The following UNC80 variants were observed in gnomAD, a reference collection of about 807,000 sequenced individuals.
The protein encoded by UNC80 is unc-80 subunit of NALCN channel complex.
In UNC80, 164 loss-of-function variants were observed where a neutral mutation model predicts 384.6. The ratio of observed to expected loss-of-function variants is 0.43; its 90% CI spans 0.38 to 0.49. The LOEUF is 0.49. Ranked by LOEUF, UNC80 falls within the 20% of genes least tolerant of loss-of-function variation. UNC80 has a pLI of 0.00. For synonymous variants in UNC80, 1,486 were observed against 1,527.8 expected (o/e 0.97, Z 0.64); for missense variants, 3,330 against 4,143.0 (o/e 0.80, Z 5.39).
intron 18 of UNC80, among the ~76,000 whole-genome samples, chr2:209,836,645 A>G: frequency 6.6e-6 from 1 of 152,168 alleles, no homozygotes; most frequent in East Asian, 1.9e-4. Flanking sequence ...GAACTTTTTC[A>G]TGATCCCAAT....
intron 8 of UNC80, 131 bp from the exon 9 acceptor site, chr2:209,815,126 A>G: frequency 1.2e-6 from 1 of 817,662 alleles, no homozygotes; most frequent in East Asian, 2.8e-5. Context: ...CCAGAAGTCC[A>G]GACATACAAG....
In UNC80 at chr2:209,800,408, C is replaced by T. The variant is rs541589216; in HGVS notation, c.938+6549C>T. Among the ~76,000 whole-genome samples, 5 of 151,438 alleles carry T rather than the reference C, an allele frequency of 3.3e-5. No individual in the cohort carries two copies. In the South Asian group the frequency reaches 1.0e-3, roughly 32 times the overall value. On this transcript the variant is annotated intron_variant, in intron 7 of 64. Transcript: ENST00000673920. Reference sequence around the variant, plus strand: ...TTCTGTGGGGTCATTGGTGATATCCCCTTTATCATTTTTTACTGTGTCTAT... The same window carrying T: ...TTCTGTGGGGTCATTGGTGATATCCTCTTTATCATTTTTTACTGTGTCTAT...
At chr2:209,858,240 A>G (rs1186400618) in intron 22 of UNC80, among the ~76,000 whole-genome samples, 2 of 152,196 alleles carry the variant, frequency 1.3e-5, no homozygotes, top group African/African-American at 4.8e-5. Flanking sequence ...TATTACTATC[A>G]AGTGGCACGC....
intron 18 of UNC80, among the ~76,000 whole-genome samples, chr2:209,835,622 T>C (rs2153828919): frequency 6.6e-6 from 1 of 152,358 alleles, no homozygotes; most frequent in South Asian, 2.1e-4. Flanking sequence ...CCTAGTTCTA[T>C]GCAAGTTTTA....
chr2:209,899,758 C>T (rs1360225909), intron 28 of UNC80, among the ~76,000 whole-genome samples: 1 of 152,170 alleles, frequency 6.6e-6, no homozygotes, highest in Non-Finnish European at 1.5e-5. Flanking sequence ...TTGTGTTTCC[C>T]CATCACAATG....
At chr2:209,902,806 A>C (rs2087567914) in intron 28 of UNC80, among the ~76,000 whole-genome samples, 1 of 152,142 alleles carries the variant, frequency 6.6e-6, no homozygotes, top group African/African-American at 2.4e-5. Context: ...ATGCACTGGG[A>C]AATAGAAAGA....
intron 8 of UNC80, 31 bp downstream of exon 8, chr2:209,813,872 AC>A (rs1442227323): frequency 6.5e-7 from 1 of 1,542,400 alleles, no homozygotes; most frequent in Non-Finnish European, 8.8e-7. Flanking sequence ...TGTCATTCAA[AC>A]CAGCAACTTT....
intron 33 of UNC80, among the ~76,000 whole-genome samples, chr2:209,919,006 C>A (rs748672785): frequency 4.6e-5 from 7 of 151,968 alleles, no homozygotes; most frequent in Admixed American, 1.3e-4. Context: ...AGTTAAGGAC[C>A]CTGGCCCTGA....
intron 62 of UNC80, 117 bp downstream of exon 62, chr2:209,992,364 A>G (rs747790574): frequency 7.4e-6 from 7 of 944,124 alleles, no homozygotes; most frequent in Non-Finnish European, 1.1e-5. Context: ...AATCCCAGCT[A>G]CTGGGGAGGC....
intron 4 of UNC80, among the ~76,000 whole-genome samples, chr2:209,784,579 G>A (rs1375367212): frequency 6.6e-6 from 1 of 152,130 alleles, no homozygotes; most frequent in Non-Finnish European, 1.5e-5. Context: ...CCTGGAGATA[G>A]CTACATGACA....
intron 22 of UNC80, among the ~76,000 whole-genome samples, chr2:209,852,734 G>T (rs2082620133): frequency 6.6e-6 from 1 of 152,030 alleles, no homozygotes; most frequent in Non-Finnish European, 1.5e-5. Flanking sequence ...CTGGGTTAGG[G>T]GTTCCTCAGG....
intron 35 of UNC80, among the ~76,000 whole-genome samples, chr2:209,926,425 T>C (rs780064647): frequency 2.6e-5 from 4 of 152,228 alleles, no homozygotes; most frequent in Non-Finnish European, 4.4e-5. Context: ...CATTTTCTCA[T>C]TGCTAGGATT....
intron 51 of UNC80, chr2:209,961,208 C>A (rs145741061): frequency 1.0e-3 from 155 of 152,140 alleles, no homozygotes; most frequent in African/African-American, 3.5e-3. Flanking sequence ...AGAGGCCTGG[C>A]GCTCCCTCTA....
At chr2:209,985,058 T>C (rs1018887002) in intron 61 of UNC80, 146 bp downstream of exon 61, 1 of 648,916 alleles carries the variant, frequency 1.5e-6, no homozygotes, top group Admixed American at 3.9e-5. Context: ...TTCATGAACA[T>C]ATGAGCCTGG....
chr2:209,956,662 G>A (rs1253327841), intron 48 of UNC80, among the ~76,000 whole-genome samples: 4 of 151,942 alleles, frequency 2.6e-5, no homozygotes, highest in African/African-American at 7.3e-5. Context: ...CATGTGCAGC[G>A]CACCAGCATA....
At chr2:209,831,727 GT>G in intron 16 of UNC80, 136 bp downstream of exon 16, 1 of 1,005,634 alleles carries the variant, frequency 9.9e-7, no homozygotes, top group Non-Finnish European at 1.4e-6. Flanking sequence ...ATTTTCCCCG[GT>G]GTCACCAGTA....
intron 51 of UNC80, among the ~76,000 whole-genome samples, chr2:209,963,872 G>C (rs1575159158): frequency 6.6e-6 from 1 of 152,212 alleles, no homozygotes; most frequent in Non-Finnish European, 1.5e-5. Context: ...ATTAAGCCTA[G>C]TAGGAAGAAA....
chr2:209,806,462 G>A (rs1558439), intron 7 of UNC80, among the ~76,000 whole-genome samples: 150,481 of 152,346 alleles, frequency 0.99, 74,341 homozygotes, highest in East Asian at 1. Flanking sequence ...CCACAGCAAC[G>A]TACACCCACA....
At chr2:209,893,879 C>T (rs374849525) in intron 26 of UNC80, among the ~76,000 whole-genome samples, 1 of 152,132 alleles carries the variant, frequency 6.6e-6, no homozygotes, top group Non-Finnish European at 1.5e-5. Flanking sequence ...TACTAATAGT[C>T]CTAGTTGATG....
Sources: gnomAD v4.1 joint callset for allele counts (sites outside exome capture counted in the v4.1 genomes callset) on GRCh38, gnomAD v4.1.1 for gene constraint, MANE v1.5 for transcripts, NCBI Gene and HGNC (gene_info 2026-07-23, HGNC 2026-07-21) for gene names.